The following ZBTB16 variants were observed in gnomAD, a reference collection of about 807,000 sequenced individuals.
ZBTB16 encodes zinc finger and BTB domain-containing protein 16.
Under a neutral mutation model 56.8 loss-of-function variants are expected in ZBTB16, and 8 were observed. The ratio of observed to expected loss-of-function variants is 0.14; its 90% CI spans 0.08 to 0.25. The LOEUF (loss-of-function observed/expected upper bound fraction) is 0.25, where lower values mean the gene tolerates loss of function less well. Ranked by LOEUF, ZBTB16 falls within the 10% of genes least tolerant of loss-of-function variation. The probability of loss-of-function intolerance (pLI) is 1.00; values close to 1 mark genes in which losing one functional copy is unlikely to be tolerated. For synonymous variants in ZBTB16, 363 were observed against 368.5 expected (o/e 0.98, Z 0.17); for missense variants, 625 against 903.0 (o/e 0.69, Z 3.95).
intron 2 of ZBTB16, among the ~76,000 whole-genome samples, chr11:114,098,974 G>A (rs911074104): frequency 2.6e-5 from 4 of 152,050 alleles, no homozygotes; most frequent in African/African-American, 9.7e-5. Context: ...TAAATATTTC[G>A]GACATCCTCA....
chr11:114,084,621 C>T (rs1270131401), intron 2 of ZBTB16, among the ~76,000 whole-genome samples: 1 of 151,972 alleles, frequency 6.6e-6, no homozygotes, highest in East Asian at 1.9e-4. Context: ...GAGCAGGTGC[C>T]AGGGTCAGGC....
intron 3 of ZBTB16, among the ~76,000 whole-genome samples, chr11:114,165,667 A>G (rs1226403993): frequency 6.6e-6 from 1 of 152,150 alleles, no homozygotes; most frequent in African/African-American, 2.4e-5. Flanking sequence ...AGCCTCTCCC[A>G]GGAAAGGGGT....
intron 4 of ZBTB16, among the ~76,000 whole-genome samples, chr11:114,225,567 T>C (rs1378338688): frequency 6.6e-6 from 1 of 152,128 alleles, no homozygotes; most frequent in Non-Finnish European, 1.5e-5. Context: ...GGGGACTAGA[T>C]TCATTTTTTC....
At chr11:114,094,812 C>T (rs1407584180) in intron 2 of ZBTB16, among the ~76,000 whole-genome samples, 2 of 152,290 alleles carry the variant, frequency 1.3e-5, no homozygotes, top group African/African-American at 4.8e-5. Context: ...TTGGAGTGGT[C>T]GTCAGCCGAA....
rs139074973 is a variant in ZBTB16, at chr11:114,210,162, A to AGTGTGTGTGTGTGTGT, written c.1453+23140_1453+23155dup. On this transcript the variant is annotated intron_variant, in intron 4 of 6. Coordinates refer to ENST00000335953, the MANE Select transcript of ZBTB16 (RefSeq NM_006006.6). Reference sequence around the variant, plus strand: ...AATGTTTTCTCTTACAGCCAAAGCTAGTGTGTGTGTGTGTGTGTGTGTGTG... The same window carrying AGTGTGTGTGTGTGTGT: ...AATGTTTTCTCTTACAGCCAAAGCTAGTGTGTGTGTGTGTGTGTGTGTGTGTGTGTGTGTGTGTGTG... Among the ~76,000 whole-genome samples, 284 of 134,738 alleles carry AGTGTGTGTGTGTGTGT rather than the reference A, an allele frequency of 2.1e-3. 1 individual carries two copies. The highest frequency in any genetic ancestry group is 7.3e-3 in the African/African-American group (259 of 35,706). The allele number at this position is 134,738 out of a possible 152,430, so 88.4% of individuals were successfully genotyped here.
At chr11:114,166,970 TATGCATTTTCA>T in intron 3 of ZBTB16, among the ~76,000 whole-genome samples, 1 of 152,190 alleles carries the variant, frequency 6.6e-6, no homozygotes. Context: ...CGTGCAATAC[TATGCATTTTCA>T]TAACTGTCTC....
intron 3 of ZBTB16, among the ~76,000 whole-genome samples, chr11:114,159,937 C>CGGGGGGGGGGGG (rs140105293): frequency 9.6e-5 from 9 of 93,710 alleles, no homozygotes; most frequent in African/African-American, 6.6e-5. Context: ...GCGGGGGAGG[C>CGGGGGGGGGGGG]GGGGGGGAGG....
Position 114,064,295 on chromosome 11 carries a change from G to A in ZBTB16, c.995G>A (p.Gly332Asp), listed in dbSNP as rs754087105. The A allele has an allele frequency of 7.4e-6, 12 of 1,614,122 alleles. No individual in the cohort carries two copies. In the South Asian group the frequency reaches 8.8e-5, roughly 12 times the overall value. Reference protein sequence around the residue: ...HPAPPPEKHLGIYSVLPNHKA... With the variant: ...HPAPPPEKHLDIYSVLPNHKA... ...GCACCCCCGCCTGAGAAGCATCTGGGCATCTACTCCGTGTTGCCCAACCAC... is the reference window on the plus strand; with the variant it reads ...GCACCCCCGCCTGAGAAGCATCTGGACATCTACTCCGTGTTGCCCAACCAC... The change falls in exon 2 of 7, where the codon GGC (glycine) becomes GAC (aspartate). Residue 332 changes from glycine (G) to aspartate (D), a missense_variant. Transcript: ENST00000335953. This position sits in a 1 kb window ranked among gnomAD's most constrained non-coding sequence, Gnocchi z 4.2.
intron 2 of ZBTB16, among the ~76,000 whole-genome samples, chr11:114,087,336 G>GT (rs942372121): frequency 1.3e-5 from 2 of 152,214 alleles, no homozygotes; most frequent in African/African-American, 4.8e-5. Flanking sequence ...GTTGTTTTTC[G>GT]TTTTTTGTCT....
intron 4 of ZBTB16, among the ~76,000 whole-genome samples, chr11:114,230,757 G>C (rs1020846544): frequency 2.6e-5 from 4 of 151,854 alleles, no homozygotes; most frequent in Non-Finnish European, 5.9e-5. Context: ...CCAGTGTTTG[G>C]GAGATATTTA....
intron 2 of ZBTB16, among the ~76,000 whole-genome samples, chr11:114,099,805 A>G (rs1182141991): frequency 1.3e-5 from 2 of 152,050 alleles, no homozygotes; most frequent in Non-Finnish European, 2.9e-5. Flanking sequence ...AGAAAAAAAT[A>G]CATTTCCAAA....
At chr11:114,110,187 C>T (rs1940952432) in intron 2 of ZBTB16, among the ~76,000 whole-genome samples, 1 of 152,058 alleles carries the variant, frequency 6.6e-6, no homozygotes, top group South Asian at 2.1e-4. Flanking sequence ...ACTGTGCCCC[C>T]ACCCCCTTTT....
chr11:114,106,244 A>C (rs534795576), intron 2 of ZBTB16, among the ~76,000 whole-genome samples: 1 of 152,228 alleles, frequency 6.6e-6, no homozygotes, highest in South Asian at 2.1e-4. Flanking sequence ...TTCTGTAAGA[A>C]AGAGACTACT....
At chr11:114,205,175 C>T (rs576499) in intron 4 of ZBTB16, among the ~76,000 whole-genome samples, 3 of 151,932 alleles carry the variant, frequency 2.0e-5, no homozygotes, top group Non-Finnish European at 2.9e-5. Flanking sequence ...TTTGGGAGGC[C>T]GAGGTGGGCG....
chr11:114,233,074 C>CACGT (rs1317369318), intron 4 of ZBTB16, among the ~76,000 whole-genome samples: 1 of 47,380 alleles, frequency 2.1e-5, no homozygotes, highest in Non-Finnish European at 4.4e-5. Flanking sequence ...CATGCGCGCG[C>CACGT]GCGCGCGCAC....
At chr11:114,103,265 C>G (rs1218485741) in intron 2 of ZBTB16, among the ~76,000 whole-genome samples, 1 of 152,126 alleles carries the variant, frequency 6.6e-6, no homozygotes, top group Non-Finnish European at 1.5e-5. Flanking sequence ...AGATGGTGAC[C>G]TGGAATTCAG....
intron 4 of ZBTB16, among the ~76,000 whole-genome samples, chr11:114,225,306 A>G (rs1010780998): frequency 6.6e-6 from 1 of 152,190 alleles, no homozygotes; most frequent in African/African-American, 2.4e-5. Context: ...TGGTGATGAA[A>G]GACATAGAGT....
At chr11:114,204,056 C>T (rs999857368) in intron 4 of ZBTB16, among the ~76,000 whole-genome samples, 1 of 152,106 alleles carries the variant, frequency 6.6e-6, no homozygotes, top group Non-Finnish European at 1.5e-5. Flanking sequence ...ACCCAGGCAC[C>T]CCATTTTAAG....
At chr11:114,180,277 A>C (rs914655171) in intron 3 of ZBTB16, among the ~76,000 whole-genome samples, 2 of 152,210 alleles carry the variant, frequency 1.3e-5, no homozygotes, top group Non-Finnish European at 2.9e-5. Flanking sequence ...CCTCATCTGC[A>C]GGGTACCTGG....
Sources: allele counts gnomAD v4.1 joint callset (sites outside exome capture counted in the v4.1 genomes callset), GRCh38; gene constraint gnomAD v4.1.1; non-coding constraint Gnocchi (gnomAD v3.1); transcripts MANE v1.5; gene names NCBI Gene and HGNC (gene_info 2026-07-23, HGNC 2026-07-21).